HS6ST3: variants seen among roughly 807,000 people sequenced by gnomAD.
The protein encoded by HS6ST3 is heparan sulfate 6-O-sulfotransferase 3, also known as heparan-sulfate 6-O-sulfotransferase 3.
In HS6ST3, 12 loss-of-function variants were observed where a neutral mutation model predicts 36.7. The observed-to-expected ratio is 0.33, with a 90% CI of 0.21 to 0.53. The LOEUF (loss-of-function observed/expected upper bound fraction) is 0.53, where lower values mean the gene tolerates loss of function less well. HS6ST3 is among the 20% of genes least tolerant of loss of function. The pLI is 0.95. For synonymous variants in HS6ST3, 240 were observed against 257.5 expected, an observed-to-expected ratio of 0.93 and a Z score of 0.65; for missense variants, 584 against 640.9, an observed-to-expected ratio of 0.91 and a Z score of 0.96.
chr13:96,717,935 C>T (rs1298191496), intron 1 of HS6ST3, among the ~76,000 whole-genome samples: 2 of 152,150 alleles, frequency 1.3e-5, no homozygotes, highest in Admixed American at 6.6e-5. Context: ...CCCAGATTTT[C>T]GCGCACTGAG....
intron 1 of HS6ST3, among the ~76,000 whole-genome samples, chr13:96,808,829 A>C (rs770592845): frequency 2.0e-5 from 3 of 152,182 alleles, no homozygotes; most frequent in Non-Finnish European, 4.4e-5. Flanking sequence ...ACAGGAGGCT[A>C]TTACTGGTTT....
intron 1 of HS6ST3, among the ~76,000 whole-genome samples, chr13:96,697,000 A>G (rs1390205871): frequency 6.6e-6 from 1 of 152,206 alleles, no homozygotes; most frequent in Non-Finnish European, 1.5e-5. Flanking sequence ...AAAAAAAAGC[A>G]CAGTAGAATA....
intron 1 of HS6ST3, among the ~76,000 whole-genome samples, chr13:96,317,342 A>AAT (rs1392126403): frequency 2.7e-4 from 10 of 36,540 alleles, no homozygotes; most frequent in Admixed American, 6.1e-4. Flanking sequence ...ATATATATAT[A>AAT]TATATATATA....
intron 1 of HS6ST3, among the ~76,000 whole-genome samples, chr13:96,175,085 A>G (rs1211939474): frequency 1.3e-5 from 2 of 152,140 alleles, no homozygotes; most frequent in Non-Finnish European, 2.9e-5. Flanking sequence ...TTTTTTCATG[A>G]CTGCTTAATT....
intron 1 of HS6ST3, among the ~76,000 whole-genome samples, chr13:96,122,066 T>C (rs1026354962): frequency 4.0e-5 from 6 of 151,458 alleles, no homozygotes; most frequent in Non-Finnish European, 7.4e-5. Context: ...TGCAAGAGAT[T>C]TACATGCTAG....
rs186093353 is a variant in HS6ST3, at chr13:96,424,728, C to T, written c.707+333159C>T. ...GTCCCATTCATGAGGGATCTGCCCT[C>T]GTGACCTGATTATCTTCAAATACCA... On this transcript the variant is annotated intron_variant, in intron 1 of 1. Coordinates refer to ENST00000376705, the MANE Select transcript of HS6ST3 (RefSeq NM_153456.4). 5.6e-4 allele frequency among the ~76,000 whole-genome samples: 85 copies of T among 152,234 alleles called. No homozygotes were observed. In the East Asian group the frequency reaches 6.2e-3, roughly 11 times the overall value.
chr13:96,184,186 C>T (rs189907823), intron 1 of HS6ST3, among the ~76,000 whole-genome samples: 26 of 105,436 alleles, frequency 2.5e-4, no homozygotes, highest in African/African-American at 8.3e-4. Context: ...GGCAATAGAG[C>T]GAGACTCTGT....
intron 1 of HS6ST3, among the ~76,000 whole-genome samples, chr13:96,696,171 C>T (rs1333457537): frequency 6.6e-6 from 1 of 152,154 alleles, no homozygotes; most frequent in Non-Finnish European, 1.5e-5. Context: ...ATCCATAGGC[C>T]AGGCTGTCAG....
intron 1 of HS6ST3, among the ~76,000 whole-genome samples, chr13:96,773,220 A>G (rs1338188487): frequency 3.3e-5 from 5 of 152,216 alleles, no homozygotes; most frequent in Non-Finnish European, 7.3e-5. Flanking sequence ...CCTGGGTTTC[A>G]AGAACAAAAC....
intron 1 of HS6ST3, among the ~76,000 whole-genome samples, chr13:96,216,973 C>A (rs970565519): frequency 1.3e-5 from 2 of 152,198 alleles, no homozygotes; most frequent in African/African-American, 4.8e-5. Flanking sequence ...TTTCCCTCTG[C>A]AGAGAGAAGT....
intron 1 of HS6ST3, among the ~76,000 whole-genome samples, chr13:96,668,686 CTTTTTTTTTTTTTTTTTTTT>C (rs146033180): frequency 3.6e-4 from 21 of 58,938 alleles, no homozygotes; most frequent in East Asian, 5.3e-4. Flanking sequence ...TAGTGCCAAC[CTTTTTTTTTTTTTTTTTTTT>C]TTTTTTTTTT....
At chr13:96,148,468 T>G (rs2054068573) in intron 1 of HS6ST3, among the ~76,000 whole-genome samples, 1 of 152,194 alleles carries the variant, frequency 6.6e-6, no homozygotes, top group Admixed American at 6.5e-5. Context: ...GAGGTGAGAT[T>G]GTGCTAGTAT....
At chr13:96,228,885 G>C (rs2054493841) in intron 1 of HS6ST3, among the ~76,000 whole-genome samples, 1 of 152,182 alleles carries the variant, frequency 6.6e-6, no homozygotes, top group Non-Finnish European at 1.5e-5. Flanking sequence ...AGAGGGACCA[G>C]GAGAGGGTGA....
intron 1 of HS6ST3, among the ~76,000 whole-genome samples, chr13:96,632,156 C>T (rs2056534086): frequency 6.6e-6 from 1 of 152,136 alleles, no homozygotes. Flanking sequence ...TTCATCTCTT[C>T]TGCCCTGTGA....
intron 1 of HS6ST3, among the ~76,000 whole-genome samples, chr13:96,754,857 C>G (rs556076146): frequency 1.1e-4 from 17 of 151,924 alleles, no homozygotes; most frequent in Non-Finnish European, 2.1e-4. Context: ...CATATAATAT[C>G]AATATTACAT....
chr13:96,223,946 C>T lies in HS6ST3; in HGVS notation c.707+132377C>T, dbSNP rs190014527. Reference sequence around the variant, plus strand: ...TAATCTAAAGCAAAATATTCCCTTCCCTCCCCTCCCGTCTCAATCTTCCCT... The same window carrying T: ...TAATCTAAAGCAAAATATTCCCTTCTCTCCCCTCCCGTCTCAATCTTCCCT... On this transcript the variant is annotated intron_variant, in intron 1 of 1. Coordinates refer to ENST00000376705, the MANE Select transcript of HS6ST3 (RefSeq NM_153456.4). 4.1e-3 allele frequency among the ~76,000 whole-genome samples: 619 copies of T among 151,942 alleles called. 1 individual carries two copies. The highest frequency in any genetic ancestry group is 6.4e-3 in the Admixed American group (97 of 15,244).
At chr13:96,649,711 C>T (rs767898801) in intron 1 of HS6ST3, among the ~76,000 whole-genome samples, 2 of 151,970 alleles carry the variant, frequency 1.3e-5, no homozygotes, top group South Asian at 2.1e-4. Flanking sequence ...AAGAGTCTCC[C>T]GTTTTTTATC....
chr13:96,423,601 G>A (rs918472569), intron 1 of HS6ST3, among the ~76,000 whole-genome samples: 3 of 151,534 alleles, frequency 2.0e-5, no homozygotes, highest in African/African-American at 7.3e-5. Context: ...AGCATTCCAA[G>A]CAGAAGGAAG....
intron 1 of HS6ST3, among the ~76,000 whole-genome samples, chr13:96,100,745 T>A (rs1394144515): frequency 6.6e-6 from 1 of 152,220 alleles, no homozygotes; most frequent in Admixed American, 6.5e-5. Context: ...AGAGAGCTGA[T>A]GCATTCTGTG....
Sources: allele counts gnomAD v4.1 joint callset (sites outside exome capture counted in the v4.1 genomes callset), GRCh38; gene constraint gnomAD v4.1.1; transcripts MANE v1.5; gene names NCBI Gene and HGNC (gene_info 2026-07-23, HGNC 2026-07-21).